Variants in NLK observed in about 807,000 individuals in gnomAD.
NLK encodes nemo like kinase.
NLK carries 11 observed loss-of-function variants against 59.0 expected under a neutral mutation model. That is an observed-to-expected ratio of 0.19 (90% CI 0.12 to 0.31). The LOEUF is 0.31. NLK is among the 10% of genes least tolerant of loss of function. The probability of loss-of-function intolerance (pLI) is 1.00; values close to 1 mark genes in which losing one functional copy is unlikely to be tolerated. For missense variants in NLK, 410 were observed against 661.1 expected (o/e 0.62, Z 4.16); for synonymous variants, 235 against 235.9 (o/e 1.00, Z 0.03).
intron 3 of NLK, among the ~76,000 whole-genome samples, chr17:28,140,589 T>C (rs753507615): frequency 6.6e-6 from 1 of 152,184 alleles, no homozygotes. Context: ...TTTCTAACTT[T>C]ACCCTCAGCA....
At chr17:28,169,233 G>A (rs1029584345) in intron 6 of NLK, among the ~76,000 whole-genome samples, 1 of 152,202 alleles carries the variant, frequency 6.6e-6, no homozygotes, top group Non-Finnish European at 1.5e-5. Context: ...GCTCTGCTAT[G>A]ACAATTTGCA....
chr17:28,131,249 A>C (rs899666288), intron 2 of NLK, among the ~76,000 whole-genome samples: 1 of 152,150 alleles, frequency 6.6e-6, no homozygotes, highest in African/African-American at 2.4e-5. Flanking sequence ...TTAGATTATC[A>C]GTCATACTAT....
chr17:28,122,812 AAG>A, intron 2 of NLK, 80 bp downstream of exon 2: 1 of 1,514,116 alleles, frequency 6.6e-7, no homozygotes, highest in Non-Finnish European at 9.0e-7. Flanking sequence ...GAAAGTTTAA[AAG>A]GGCACCTATA....
intron 8 of NLK, among the ~76,000 whole-genome samples, chr17:28,189,852 A>T (rs1909247058): frequency 3.3e-5 from 5 of 152,258 alleles, no homozygotes. Flanking sequence ...GGAAAAAAAA[A>T]CAAGGTTATC....
At chr17:28,155,089 ACT>A (rs1597713913) in intron 3 of NLK, among the ~76,000 whole-genome samples, 1 of 152,182 alleles carries the variant, frequency 6.6e-6, no homozygotes, top group African/African-American at 2.4e-5. Context: ...AACAATGATC[ACT>A]TGGTTAAATG....
At chr17:28,111,254 T>G (rs1183042557) in intron 1 of NLK, among the ~76,000 whole-genome samples, 8 of 151,868 alleles carry the variant, frequency 5.3e-5, no homozygotes, top group African/African-American at 1.9e-4. Context: ...TGGCGCAATC[T>G]CAGCTCGCTG....
At chr17:28,062,174 A>G (rs1288090807) in intron 1 of NLK, 1 of 152,086 alleles carries the variant, frequency 6.6e-6, no homozygotes, top group African/African-American at 2.4e-5. Flanking sequence ...AGCGAGAGTT[A>G]TAGATGGAGC....
intron 1 of NLK, among the ~76,000 whole-genome samples, chr17:28,108,209 G>A (rs1463053001): frequency 1.3e-5 from 2 of 152,124 alleles, no homozygotes; most frequent in Non-Finnish European, 2.9e-5. Context: ...GGGCAGCAGA[G>A]GGATACTCTG....
chr17:28,070,284 C>T (rs969910084), intron 1 of NLK, among the ~76,000 whole-genome samples: 1 of 151,162 alleles, frequency 6.6e-6, no homozygotes, highest in Non-Finnish European at 1.5e-5. Flanking sequence ...TGAAACTATT[C>T]TCTTTTATTT....
intron 4 of NLK, among the ~76,000 whole-genome samples, chr17:28,162,173 G>A (rs1803803256): frequency 6.6e-6 from 1 of 151,838 alleles, no homozygotes; most frequent in Non-Finnish European, 1.5e-5. Flanking sequence ...CCGCCACCAC[G>A]CCCAGCTAAT....
At chr17:28,114,876 G>GA (rs1188405876) in intron 1 of NLK, among the ~76,000 whole-genome samples, 2 of 152,102 alleles carry the variant, frequency 1.3e-5, no homozygotes, top group African/African-American at 2.4e-5. Context: ...GTTTAATATG[G>GA]AAAAAATGTT....
chr17:28,192,082 A>G, intron 9 of NLK, 38 bp from the exon 10 acceptor site: 1 of 1,306,842 alleles, frequency 7.7e-7, no homozygotes, highest in Non-Finnish European at 1.1e-6. Context: ...CGGGCTTGCA[A>G]ATTGTCATGG....
intron 1 of NLK, among the ~76,000 whole-genome samples, chr17:28,068,848 T>C (rs1168697150): frequency 1.6e-4 from 24 of 152,124 alleles, no homozygotes; most frequent in Non-Finnish European, 1.5e-5. Flanking sequence ...CAGGCTAATT[T>C]TTAAAATTTT....
At chr17:28,129,131 A>T (rs1597698221) in intron 2 of NLK, among the ~76,000 whole-genome samples, 2 of 152,180 alleles carry the variant, frequency 1.3e-5, no homozygotes, top group Admixed American at 6.5e-5. Flanking sequence ...ACAGAAGTAA[A>T]AACAGTGCCA....
chr17:28,174,267 C>T (rs1567736820), intron 7 of NLK, among the ~76,000 whole-genome samples: 1 of 152,154 alleles, frequency 6.6e-6, no homozygotes, highest in Non-Finnish European at 1.5e-5. Context: ...ATCCAAAGTT[C>T]CACTATTATT....
At chr17:28,157,480 C>G (rs542798309) in intron 3 of NLK, among the ~76,000 whole-genome samples, 1 of 152,014 alleles carries the variant, frequency 6.6e-6, no homozygotes, top group African/African-American at 2.4e-5. Flanking sequence ...TGTGAGCCAC[C>G]GCACCCGGCC....
chr17:28,158,858 A>G (rs1016389765), intron 3 of NLK, among the ~76,000 whole-genome samples: 3 of 152,296 alleles, frequency 2.0e-5, no homozygotes. Context: ...AGACACAAAC[A>G]TATACATTAG....
At chr17:28,200,960 C>T (rs1327247772), downstream of NLK, among the ~76,000 whole-genome samples, 4 of 152,224 alleles carry the variant, frequency 2.6e-5, no homozygotes, top group Non-Finnish European at 5.9e-5. Flanking sequence ...AATCCTTTCT[C>T]CATTCAGTTG....
chr17:28,168,360 G>T (rs1908327913), intron 5 of NLK, 88 bp from the exon 6 acceptor site: 40 of 897,530 alleles, frequency 4.5e-5, no homozygotes, highest in Admixed American at 6.1e-5. Flanking sequence ...AAGTTTCAAA[G>T]TTCAGTGCCC....
Sources: allele counts gnomAD v4.1 joint callset (sites outside exome capture counted in the v4.1 genomes callset), GRCh38; gene constraint gnomAD v4.1.1; transcripts MANE v1.5; gene names NCBI Gene and HGNC (gene_info 2026-07-23, HGNC 2026-07-21).